GAN: variants seen among roughly 807,000 people sequenced by gnomAD.
GAN encodes gigaxonin.
Under a neutral mutation model 71.3 loss-of-function variants are expected in GAN, and 48 were observed. The observed-to-expected ratio is 0.67, with a 90% confidence interval of 0.53 to 0.86. The LOEUF (loss-of-function observed/expected upper bound fraction) is 0.86, where lower values mean the gene tolerates loss of function less well. GAN is among the 40% of genes least tolerant of loss of function. GAN has a pLI of 0.00. For synonymous variants in GAN, 386 were observed against 276.8 expected (o/e 1.39, Z -3.92); for missense variants, 928 against 770.1 (o/e 1.21, Z -2.43).
chr16:81,366,648 G>A (rs1910866265), intron 9 of GAN, among the ~76,000 whole-genome samples: 1 of 152,056 alleles, frequency 6.6e-6, no homozygotes, highest in African/African-American at 2.4e-5. Context: ...TTTAAATTTA[G>A]GGTATTTGCA....
intron 1 of GAN, among the ~76,000 whole-genome samples, chr16:81,348,155 G>A (rs1240408567): frequency 6.6e-6 from 1 of 152,026 alleles, no homozygotes; most frequent in East Asian, 1.9e-4. Flanking sequence ...CATATTTTCT[G>A]CCTTTGTCTC....
In GAN at chr16:81,322,362, A is replaced by T. The variant is rs566915027; in HGVS notation, c.167+7082A>T. On this transcript the variant is annotated intron_variant, in intron 1 of 10. Coordinates refer to ENST00000648994, the MANE Select transcript of GAN (RefSeq NM_022041.4). ...TAAGACATCTCAGCAGCGGCTAGGT[A>T]CTAGCAAGATGGTGGCAACCAACTG... Among the ~76,000 whole-genome samples, 23 of 152,362 alleles carry T rather than the reference A, an allele frequency of 1.5e-4. No individual in the cohort carries two copies. The South Asian group carries it at 3.3e-3, about 22-fold the overall frequency.
At chr16:81,339,877 G>A (rs1909885155) in intron 1 of GAN, among the ~76,000 whole-genome samples, 1 of 152,162 alleles carries the variant, frequency 6.6e-6, no homozygotes, top group Non-Finnish European at 1.5e-5. Context: ...GCAGATGTAA[G>A]GATGTGAATT....
chr16:81,373,381 C>T (rs1263612521), intron 9 of GAN, among the ~76,000 whole-genome samples: 2 of 152,104 alleles, frequency 1.3e-5, no homozygotes, highest in Non-Finnish European at 2.9e-5. Flanking sequence ...TTTACATTAC[C>T]CTGAGGGAAC....
chr16:81,321,227 G>A (rs1051788570), intron 1 of GAN, among the ~76,000 whole-genome samples: 9 of 152,216 alleles, frequency 5.9e-5, no homozygotes, highest in Non-Finnish European at 1.5e-5. Flanking sequence ...TGTTAGACTA[G>A]TGTCTGTAGC....
chr16:81,324,631 G>A (rs1024656562), intron 1 of GAN, among the ~76,000 whole-genome samples: 3 of 152,160 alleles, frequency 2.0e-5, no homozygotes, highest in African/African-American at 7.2e-5. Context: ...TTCCAAAGAA[G>A]ATGAAACTTC....
chr16:81,349,667 T>C (rs889645818), intron 1 of GAN, among the ~76,000 whole-genome samples: 37 of 152,196 alleles, frequency 2.4e-4, no homozygotes, highest in African/African-American at 8.2e-4. Context: ...AAAGAAATTT[T>C]GTTAATATTA....
intron 2 of GAN, among the ~76,000 whole-genome samples, chr16:81,353,167 T>C (rs1372866629): frequency 6.6e-6 from 1 of 151,902 alleles, no homozygotes; most frequent in East Asian, 1.9e-4. Flanking sequence ...GGCGGGCGCC[T>C]GTAGTCCCGG....
At chr16:81,361,152 G>A (rs769295969) in intron 5 of GAN, among the ~76,000 whole-genome samples, 2 of 152,134 alleles carry the variant, frequency 1.3e-5, no homozygotes, top group Non-Finnish European at 2.9e-5. Flanking sequence ...TTGAACCCAG[G>A]AGGCAGAAGT....
rs1904306090 is a variant in GAN, at chr16:81,381,738, C to T, written c.*4142C>T. On this transcript the variant is annotated 3_prime_UTR_variant, in exon 11 of 11. Coordinates refer to ENST00000648994, the MANE Select transcript of GAN (RefSeq NM_022041.4). ...TTGCACAGAGTAGGTAGGCAATAAA[C>T]ATTTGACAAATAAATATAAGATTCT... is the stretch of plus-strand genomic sequence containing the variant. The T allele has an allele frequency of 6.6e-6, 1 of 152,218 alleles. No individual in the cohort carries two copies. Among genetic ancestry groups the T allele is most frequent in the African/African-American group, 2.4e-5 (1 of 41,470 alleles). The allele number at this position is 152,218 out of a possible 1,614,324, so 9.4% of individuals were successfully genotyped here. A position where few individuals can be genotyped will look rare whatever the true frequency, so the allele number is the denominator to read the frequency against.
intron 9 of GAN, among the ~76,000 whole-genome samples, chr16:81,367,830 C>T (rs1910910502): frequency 6.6e-6 from 1 of 152,210 alleles, no homozygotes; most frequent in African/African-American, 2.4e-5. Context: ...GATCTGAACT[C>T]AGGCGTTCTG....
At chr16:81,361,190 C>T (rs570088004) in intron 5 of GAN, among the ~76,000 whole-genome samples, 1 of 151,956 alleles carries the variant, frequency 6.6e-6, no homozygotes, top group African/African-American at 2.4e-5. Context: ...GCACCACTGC[C>T]CTCCAGCCTG....
At chr16:81,365,712 A>G (rs1288209503) in intron 9 of GAN, among the ~76,000 whole-genome samples, 3 of 151,662 alleles carry the variant, frequency 2.0e-5, no homozygotes, top group Non-Finnish European at 4.4e-5. Flanking sequence ...TTAGTTGCTT[A>G]AAATCATTTA....
rs537290328 is a variant in GAN, at chr16:81,382,918, C to T, written c.*5322C>T. 11 of 152,224 alleles carry T rather than the reference C, an allele frequency of 7.2e-5. No individual in the cohort carries two copies. In the East Asian group the frequency reaches 1.9e-3, roughly 27 times the overall value. The allele number at this position is 152,224 out of a possible 1,614,324, so 9.4% of individuals were successfully genotyped here. A position where few individuals can be genotyped will look rare whatever the true frequency, so the allele number is the denominator to read the frequency against. On this transcript the variant is annotated 3_prime_UTR_variant, in exon 11 of 11. Coordinates refer to ENST00000648994, the MANE Select transcript of GAN (RefSeq NM_022041.4). ...ACATCTGAGGAATTAAATCATACTT[C>T]CAGATGGTTTGGTCTAATGTATACA...
chr16:81,329,872 C>A (rs1273044176), intron 1 of GAN, among the ~76,000 whole-genome samples: 2 of 152,162 alleles, frequency 1.3e-5, no homozygotes, highest in Non-Finnish European at 2.9e-5. Flanking sequence ...AGCCCCAGAC[C>A]CACTGATACC....
chr16:81,357,774 G>C, intron 4 of GAN, 36 bp from the exon 5 acceptor site: 3 of 1,593,746 alleles, frequency 1.9e-6, no homozygotes, highest in Non-Finnish European at 2.6e-6. Flanking sequence ...ACTGTATGAA[G>C]CACATTAACT....
At chr16:81,370,049 C>A (rs1283284009) in intron 9 of GAN, among the ~76,000 whole-genome samples, 2 of 152,142 alleles carry the variant, frequency 1.3e-5, no homozygotes, top group Non-Finnish European at 2.9e-5. Flanking sequence ...TTCTTCATAC[C>A]AATTTGCAAG....
intron 5 of GAN, among the ~76,000 whole-genome samples, chr16:81,361,555 G>A (rs1910673027): frequency 6.6e-6 from 1 of 152,098 alleles, no homozygotes; most frequent in African/African-American, 2.4e-5. Flanking sequence ...TTCATCCCCA[G>A]GACAAAAGGT....
At chr16:81,368,924 A>G (rs1490225572) in intron 9 of GAN, among the ~76,000 whole-genome samples, 1 of 152,158 alleles carries the variant, frequency 6.6e-6, no homozygotes, top group Non-Finnish European at 1.5e-5. Context: ...TTACTAAACA[A>G]AGGTAATAGT....
Sources: gnomAD v4.1 joint callset for allele counts (sites outside exome capture counted in the v4.1 genomes callset) on GRCh38, gnomAD v4.1.1 for gene constraint, MANE v1.5 for transcripts, NCBI Gene and HGNC (gene_info 2026-07-23, HGNC 2026-07-21) for gene names.